The following CNTN5 variants were observed in gnomAD, a reference collection of about 807,000 sequenced individuals.
CNTN5 encodes contactin 5.
Under a neutral mutation model 129.1 loss-of-function variants are expected in CNTN5, and 77 were observed. That is an observed-to-expected ratio of 0.60 (90% CI 0.50 to 0.72). The LOEUF is 0.72. CNTN5 is among the 30% of genes least tolerant of loss of function. The pLI is 0.00. For missense variants in CNTN5, 1,478 were observed against 1,328.8 expected, an observed-to-expected ratio of 1.11 and a Z score of -1.75; for synonymous variants, 509 against 465.6, an observed-to-expected ratio of 1.09 and a Z score of -1.20.
chr11:100,231,786 A>G (rs368348318), intron 16 of CNTN5, among the ~76,000 whole-genome samples: 29 of 152,318 alleles, frequency 1.9e-4, no homozygotes, highest in South Asian at 1.4e-3. Context: ...TGTGGAGCTC[A>G]GGAGAGAAAC....
intron 6 of CNTN5, among the ~76,000 whole-genome samples, chr11:99,906,671 G>A (rs1166987133): frequency 6.6e-6 from 1 of 152,118 alleles, no homozygotes; most frequent in African/African-American, 2.4e-5. Context: ...AAATGAGTTA[G>A]AGAGGAGTCC....
chr11:99,249,026 G>T (rs930773226), intron 1 of CNTN5, among the ~76,000 whole-genome samples: 3 of 152,080 alleles, frequency 2.0e-5, no homozygotes, highest in African/African-American at 7.2e-5. Context: ...GCTTGATGGG[G>T]ATGGCATTGA....
chr11:99,537,424 C>T (rs892408474), intron 2 of CNTN5, among the ~76,000 whole-genome samples: 4 of 152,128 alleles, frequency 2.6e-5, no homozygotes, highest in Admixed American at 6.6e-5. Context: ...ATTTTAACTA[C>T]ACCACAAATA....
intron 13 of CNTN5, among the ~76,000 whole-genome samples, chr11:100,104,402 G>T (rs542384614): frequency 6.6e-6 from 1 of 151,854 alleles, no homozygotes; most frequent in Non-Finnish European, 1.5e-5. Flanking sequence ...TTTTTAAAAA[G>T]AATAGTTTTT....
chr11:99,266,743 G>T (rs1408861470), intron 1 of CNTN5, among the ~76,000 whole-genome samples: 1 of 152,020 alleles, frequency 6.6e-6, no homozygotes, highest in Admixed American at 6.6e-5. Flanking sequence ...TTTTATAAGG[G>T]ACTTGAGCAT....
At chr11:99,462,204 TA>T (rs1248512210) in intron 2 of CNTN5, among the ~76,000 whole-genome samples, 2 of 152,184 alleles carry the variant, frequency 1.3e-5, no homozygotes, top group Non-Finnish European at 2.9e-5. Flanking sequence ...ACTCTATTTT[TA>T]AAATACCCTA....
chr11:100,001,542 A>T (rs1311255370), intron 8 of CNTN5, among the ~76,000 whole-genome samples: 1 of 152,212 alleles, frequency 6.6e-6, no homozygotes, highest in East Asian at 1.9e-4. Context: ...AGTGTACAGT[A>T]TGTTGTTTCT....
intron 13 of CNTN5, among the ~76,000 whole-genome samples, chr11:100,132,864 C>T (rs1291505584): frequency 2.6e-5 from 4 of 152,050 alleles, no homozygotes; most frequent in African/African-American, 9.7e-5. Flanking sequence ...TATGATTACA[C>T]AGTTTTTGCT....
intron 8 of CNTN5, among the ~76,000 whole-genome samples, chr11:99,979,472 A>C: frequency 6.6e-6 from 1 of 152,210 alleles, no homozygotes; most frequent in Admixed American, 6.5e-5. Flanking sequence ...ATGAAGAAGA[A>C]GTAGAACATC....
intron 9 of CNTN5, among the ~76,000 whole-genome samples, chr11:100,055,300 T>C (rs2137768057): frequency 6.6e-6 from 1 of 151,752 alleles, no homozygotes; most frequent in African/African-American, 2.4e-5. Flanking sequence ...TTTCATTACA[T>C]GCTCTTTTTG....
intron 2 of CNTN5, among the ~76,000 whole-genome samples, chr11:99,381,667 T>G (rs1940568656): frequency 6.6e-6 from 1 of 152,178 alleles, no homozygotes; most frequent in Admixed American, 6.5e-5. Context: ...AGTGTCCCTA[T>G]TATCAGCAGA....
intron 2 of CNTN5, among the ~76,000 whole-genome samples, chr11:99,326,067 C>T (rs1339254962): frequency 6.6e-6 from 1 of 152,172 alleles, no homozygotes; most frequent in Non-Finnish European, 1.5e-5. Context: ...ACAGAAATTA[C>T]TAAAGAGTGA....
chr11:99,788,062 T>C (rs907251518), intron 3 of CNTN5, among the ~76,000 whole-genome samples: 5 of 151,952 alleles, frequency 3.3e-5, no homozygotes, highest in African/African-American at 9.7e-5. Flanking sequence ...CTCACATTCA[T>C]GATCAAAAGA....
At chr11:99,774,901 G>A (rs1009789579) in intron 3 of CNTN5, among the ~76,000 whole-genome samples, 2 of 151,914 alleles carry the variant, frequency 1.3e-5, no homozygotes, top group Non-Finnish European at 2.9e-5. Context: ...AGTAACCCAA[G>A]TATCTATTTC....
At chr11:99,130,669 C>T (rs537492969) in intron 1 of CNTN5, among the ~76,000 whole-genome samples, 20 of 148,386 alleles carry the variant, frequency 1.3e-4, no homozygotes, top group South Asian at 2.2e-4. Context: ...TTTTTATGAA[C>T]TCCACATAGC....
At chr11:100,328,377 C>A (rs1178658916) in intron 21 of CNTN5, among the ~76,000 whole-genome samples, 2 of 152,024 alleles carry the variant, frequency 1.3e-5, no homozygotes, top group East Asian at 3.9e-4. Context: ...TCAAATGAGA[C>A]CGTCCCTTCT....
chr11:99,864,338 T>TTCCTGCCACTCACTCTCTGCTATCG (rs1363353191), intron 6 of CNTN5, among the ~76,000 whole-genome samples: 15 of 152,092 alleles, frequency 9.9e-5, no homozygotes, highest in South Asian at 2.1e-4. Flanking sequence ...GTGCCTTCTC[T>TTCCTGCCACTCACTCTCTGCTATCG]TCCTGCCACT....
intron 1 of CNTN5, among the ~76,000 whole-genome samples, chr11:99,086,630 TG>T (rs1866019190): frequency 6.6e-6 from 1 of 152,202 alleles, no homozygotes; most frequent in Admixed American, 6.5e-5. Flanking sequence ...GAAATGGTAT[TG>T]AATAAAATGA....
intron 8 of CNTN5, among the ~76,000 whole-genome samples, chr11:99,995,598 T>C (rs1170078557): frequency 6.6e-6 from 1 of 152,076 alleles, no homozygotes; most frequent in Non-Finnish European, 1.5e-5. Flanking sequence ...TTCCTCTCAT[T>C]CCACATACAT....
Sources: gnomAD v4.1 joint callset for allele counts (sites outside exome capture counted in the v4.1 genomes callset) on GRCh38, gnomAD v4.1.1 for gene constraint, MANE v1.5 for transcripts, NCBI Gene and HGNC (gene_info 2026-07-23, HGNC 2026-07-21) for gene names.